Variants in APBA2 observed in about 807,000 individuals in gnomAD.
APBA2 encodes the protein amyloid beta precursor protein binding family A member 2, also known as amyloid-beta A4 precursor protein-binding family A member 2.
APBA2 carries 30 observed loss-of-function variants against 75.0 expected under a neutral mutation model. The observed-to-expected ratio is 0.40, with a 90% CI of 0.30 to 0.54. The LOEUF (loss-of-function observed/expected upper bound fraction) is 0.54. Among genes scored for constraint, APBA2 ranks in the 20% least tolerant of loss-of-function variants. The pLI, the probability that APBA2 is intolerant of heterozygous loss-of-function variation, is 0.49. For synonymous variants in APBA2, 444 were observed against 409.6 expected (o/e 1.08, Z -1.01); for missense variants, 801 against 1,016.1 (o/e 0.79, Z 2.88).
At chr15:29,010,440 A>G (rs1264647800) in intron 3 of APBA2, among the ~76,000 whole-genome samples, 2 of 151,970 alleles carry the variant, frequency 1.3e-5, no homozygotes, top group African/African-American at 4.8e-5. Flanking sequence ...TGTATTTTTT[A>G]GTAGAGACGG....
At chr15:28,898,457 C>A (rs911180799) in intron 1 of APBA2, among the ~76,000 whole-genome samples, 1 of 152,082 alleles carries the variant, frequency 6.6e-6, no homozygotes, top group African/African-American at 2.4e-5. Context: ...TGCCACGTAA[C>A]GTTGAGCAAA....
intron 6 of APBA2, among the ~76,000 whole-genome samples, chr15:29,082,391 A>G (rs549069471): frequency 6.6e-6 from 1 of 152,316 alleles, no homozygotes; most frequent in South Asian, 2.1e-4. Flanking sequence ...AGAACACTTC[A>G]GATCGATTGT....
Position 29,117,429 on chromosome 15 carries a change from C to T in APBA2, c.*296C>T, listed in dbSNP as rs1048566661. On this transcript the variant is annotated 3_prime_UTR_variant, in exon 15 of 15. Coordinates refer to ENST00000683413, the MANE Select transcript of APBA2 (RefSeq NM_001353788.2). Reference sequence around the variant, plus strand: ...GCCAGGGTGTGTCTCGGTAGCTGTGCGTGGTGTGGAGTGTGTGTCTTTCCT... The same window carrying T: ...GCCAGGGTGTGTCTCGGTAGCTGTGTGTGGTGTGGAGTGTGTGTCTTTCCT... 19 of 484,144 alleles carry T rather than the reference C, an allele frequency of 3.9e-5. No homozygotes were observed. The highest frequency in any genetic ancestry group is 5.8e-4 in the Middle Eastern group (1 of 1,712). The allele number at this position is 484,144 out of a possible 1,614,324, so 30.0% of individuals were successfully genotyped here.
intron 13 of APBA2, among the ~76,000 whole-genome samples, chr15:29,110,458 A>G (rs574168072): frequency 3.8e-4 from 58 of 152,294 alleles, no homozygotes; most frequent in African/African-American, 1.3e-3. Flanking sequence ...AGTGCTGCTC[A>G]CTGACAGCCC....
At chr15:29,015,310 G>A (rs1257219202) in intron 3 of APBA2, among the ~76,000 whole-genome samples, 2 of 152,166 alleles carry the variant, frequency 1.3e-5, no homozygotes, top group Non-Finnish European at 2.9e-5. Context: ...GTCAATGAGT[G>A]CCTGGGGTCC....
chr15:29,015,677 C>T (rs1165022475), intron 3 of APBA2, among the ~76,000 whole-genome samples: 4 of 152,220 alleles, frequency 2.6e-5, no homozygotes, highest in African/African-American at 9.6e-5. Context: ...TGCTCATATG[C>T]TAATAGGATT....
chr15:29,068,651 G>A (rs908929720), intron 4 of APBA2, among the ~76,000 whole-genome samples: 1 of 152,190 alleles, frequency 6.6e-6, no homozygotes, highest in Non-Finnish European at 1.5e-5. Context: ...GTCAGTGGTT[G>A]ATGGACAGCT....
At chr15:28,934,282 G>A (rs1023757036) in intron 2 of APBA2, among the ~76,000 whole-genome samples, 3 of 152,126 alleles carry the variant, frequency 2.0e-5, no homozygotes, top group Non-Finnish European at 4.4e-5. Context: ...TTTGGGGTGG[G>A]AGGCAGGACA....
At chr15:29,060,230 C>T (rs964838832) in intron 4 of APBA2, among the ~76,000 whole-genome samples, 1 of 152,116 alleles carries the variant, frequency 6.6e-6, no homozygotes, top group Non-Finnish European at 1.5e-5. Context: ...GCAGTGTTGG[C>T]GGTGACTGCC....
At chr15:28,973,470 A>ACAG (rs2037176287) in intron 2 of APBA2, among the ~76,000 whole-genome samples, 2 of 152,314 alleles carry the variant, frequency 1.3e-5, no homozygotes, top group South Asian at 4.1e-4. Context: ...ACTGGTTATT[A>ACAG]TGTGATAATT....
At chr15:29,001,431 G>A (rs1302808963) in intron 3 of APBA2, among the ~76,000 whole-genome samples, 1 of 152,072 alleles carries the variant, frequency 6.6e-6, no homozygotes, top group Non-Finnish European at 1.5e-5. Context: ...GACTGGTCTC[G>A]AACTCCTGGC....
chr15:29,111,504 T>G (rs1442816887), intron 13 of APBA2, among the ~76,000 whole-genome samples: 1 of 152,108 alleles, frequency 6.6e-6, no homozygotes, highest in Non-Finnish European at 1.5e-5. Flanking sequence ...ATGGTTATGA[T>G]CCATCTCCCC....
chr15:28,902,542 A>C (rs956308050), intron 1 of APBA2, among the ~76,000 whole-genome samples: 1 of 152,172 alleles, frequency 6.6e-6, no homozygotes, highest in Non-Finnish European at 1.5e-5. Context: ...AGAGGGCGCT[A>C]GGGAGAAGCT....
At chr15:29,085,430 C>CAGG (rs915206236) in intron 6 of APBA2, among the ~76,000 whole-genome samples, 4 of 147,304 alleles carry the variant, frequency 2.7e-5, no homozygotes, top group African/African-American at 1.0e-4. Context: ...GAGGCTGAGA[C>CAGG]AGGAGAATGG....
intron 3 of APBA2, among the ~76,000 whole-genome samples, chr15:29,048,847 G>A (rs997818223): frequency 2.6e-5 from 4 of 151,790 alleles, no homozygotes; most frequent in African/African-American, 4.8e-5. Context: ...GGAGGCTGAG[G>A]CAGGAGAATC....
chr15:29,002,097 C>T (rs2038879555), intron 3 of APBA2, among the ~76,000 whole-genome samples: 1 of 152,156 alleles, frequency 6.6e-6, no homozygotes, highest in Non-Finnish European at 1.5e-5. Flanking sequence ...CCCAAAGCAC[C>T]ATATAAAAGG....
At chr15:29,037,339 G>A (rs1317413477) in intron 3 of APBA2, among the ~76,000 whole-genome samples, 1 of 152,162 alleles carries the variant, frequency 6.6e-6, no homozygotes, top group Non-Finnish European at 1.5e-5. Context: ...TGGACTGGGT[G>A]GGTGTGTAGC....
In APBA2 at chr15:29,098,569, A is replaced by T; in HGVS notation, c.1331A>T (p.Asp444Val). 6.2e-7 allele frequency: 1 copy of T among 1,613,624 alleles called. No homozygotes were observed. The highest frequency in any genetic ancestry group is 1.3e-5 in the African/African-American group (1 of 75,052). The change falls in exon 9 of 15, where the codon GAC becomes GTC. Residue 444 changes from aspartate (D) to valine (V), a missense_variant. Transcript: ENST00000683413. ...STQRIKVLNA[D>V]TQETMMDHAL... ...CAGAGGATCAAGGTTTTAAATGCAG[A>T]CACGCAGGTAAGCGTTTAAGACAGT...
intron 2 of APBA2, among the ~76,000 whole-genome samples, chr15:28,925,423 T>C (rs1396962303): frequency 6.6e-6 from 1 of 152,220 alleles, no homozygotes; most frequent in Non-Finnish European, 1.5e-5. Context: ...ATTTCTGGAA[T>C]AGGTTGTAAA....
Sources: gnomAD v4.1 joint callset for allele counts (sites outside exome capture counted in the v4.1 genomes callset) on GRCh38, gnomAD v4.1.1 for gene constraint, MANE v1.5 for transcripts, NCBI Gene and HGNC (gene_info 2026-07-23, HGNC 2026-07-21) for gene names.